SPIN1: variants seen among roughly 807,000 people sequenced by gnomAD.
SPIN1 encodes spindlin 1.
In SPIN1, 3 loss-of-function variants were observed where a neutral mutation model predicts 26.0. The observed-to-expected ratio is 0.12, with a 90% confidence interval of 0.05 to 0.30. The LOEUF is 0.30. Among genes scored for constraint, SPIN1 ranks in the 10% least tolerant of loss-of-function variants. The pLI is 1.00. For missense variants in SPIN1, 126 were observed against 333.4 expected, an observed-to-expected ratio of 0.38 and a Z score of 4.84; for synonymous variants, 101 against 116.5, an observed-to-expected ratio of 0.87 and a Z score of 0.86.
chr9:88,447,422 C>A (rs1828273334), intron 2 of SPIN1, among the ~76,000 whole-genome samples: 1 of 151,980 alleles, frequency 6.6e-6, no homozygotes, highest in Admixed American at 6.6e-5. Flanking sequence ...ACATTTGAAA[C>A]CTTGTGTTGT....
intron 1 of SPIN1, among the ~76,000 whole-genome samples, chr9:88,421,168 T>C (rs959976980): frequency 2.6e-5 from 4 of 152,248 alleles, no homozygotes; most frequent in Admixed American, 1.3e-4. Context: ...CATTTCAACA[T>C]GTTTCCAAAG....
chr9:88,446,699 C>T (rs980380323), intron 2 of SPIN1, among the ~76,000 whole-genome samples: 12 of 152,146 alleles, frequency 7.9e-5, no homozygotes, highest in Admixed American at 2.0e-4. Flanking sequence ...TGAGCCACTG[C>T]GCCAGCCCGG....
rs1156497850 is a variant in SPIN1, at chr9:88,462,695, G to C, written c.301G>C (p.Glu101Gln). The change falls in exon 4 of 6, where the codon GAA (glutamate) becomes CAA (glutamine). Residue 101 changes from glutamate (E) to glutamine (Q), a missense_variant. Transcript: ENST00000375859. Reference sequence around the variant, plus strand: ...TGGATTTGACTGTGTTTATGGACTAGAACTTAATAAAGATGAAAGAGTTTC... The same window carrying C: ...TGGATTTGACTGTGTTTATGGACTACAACTTAATAAAGATGAAAGAGTTTC... ...YDGFDCVYGL[E>Q]LNKDERVSAL... The C allele has an allele frequency of 6.2e-7, 1 of 1,613,980 alleles. No individual in the cohort carries two copies. The highest frequency in any genetic ancestry group is 8.5e-7 in the Non-Finnish European group (1 of 1,180,004).
At position 88,477,193 on chromosome 9, in the gene SPIN1, T is replaced by C. The variant is rs889625557; in HGVS notation, c.*1916T>C. 1.3e-5 allele frequency: 2 copies of C among 152,256 alleles called. No individual in the cohort carries two copies. The highest frequency in any genetic ancestry group is 2.9e-5 in the Non-Finnish European group (2 of 68,068). 9.4% of individuals were successfully genotyped at this position (152,256 alleles called of 1,614,324 possible). A position where few individuals can be genotyped will look rare whatever the true frequency, so the allele number is the denominator to read the frequency against. Reference sequence around the variant, plus strand: ...CTGTTGACTCTTAAGAGTCCCTGCATGTAAATCTCAAAGCTGAGCCTGGCT... The same window carrying C: ...CTGTTGACTCTTAAGAGTCCCTGCACGTAAATCTCAAAGCTGAGCCTGGCT... On this transcript the variant is annotated 3_prime_UTR_variant, in exon 6 of 6. Transcript: ENST00000375859.
chr9:88,465,252 C>CT (rs1226280159), intron 4 of SPIN1, among the ~76,000 whole-genome samples: 1 of 152,142 alleles, frequency 6.6e-6, no homozygotes, highest in East Asian at 1.9e-4. Flanking sequence ...GCAGATATTT[C>CT]TTTGAGATCC....
chr9:88,422,673 T>G (rs1269304640), intron 1 of SPIN1, among the ~76,000 whole-genome samples: 1 of 152,156 alleles, frequency 6.6e-6, no homozygotes, highest in Non-Finnish European at 1.5e-5. Flanking sequence ...TTTATTTTAT[T>G]TTTTAGATTA....
At chr9:88,435,612 G>C (rs73652560) in intron 2 of SPIN1, among the ~76,000 whole-genome samples, 4,013 of 152,278 alleles carry the variant, frequency 0.026, 178 homozygotes, top group African/African-American at 0.092. Flanking sequence ...ATCTTGGCTT[G>C]TAAGGGCCTA....
chr9:88,462,808 C>CT (rs1026383859), intron 4 of SPIN1, 59 bp downstream of exon 4: 10 of 1,495,318 alleles, frequency 6.7e-6, no homozygotes, highest in African/African-American at 1.4e-5. Context: ...GAACTGGATG[C>CT]TTTTTTTATT....
rs147921992 is a variant in SPIN1, at chr9:88,392,540, A to G, written c.-159+4002A>G. On this transcript the variant is annotated intron_variant, in intron 1 of 5. Transcript: ENST00000375859. ...GTTAAAGAGGCCATCGGGGATTTCA[A>G]TCCCAGCCAAAAGTTAGCCCCTTGT... Among the ~76,000 whole-genome samples, 27 of 152,148 alleles carry G rather than the reference A, an allele frequency of 1.8e-4. No homozygotes were observed. The East Asian group carries it at 2.1e-3, about 12-fold the overall frequency.
At chr9:88,392,715 A>T (rs1191698662) in intron 1 of SPIN1, among the ~76,000 whole-genome samples, 1 of 151,916 alleles carries the variant, frequency 6.6e-6, no homozygotes, top group Non-Finnish European at 1.5e-5. Context: ...TATGTATAGC[A>T]GGGGACGAGA....
rs1280510570 is a variant in SPIN1 at position 88,426,460 on chromosome 9, T to A, written c.-80T>A. The A allele has an allele frequency of 1.7e-6, 2 of 1,182,116 alleles. No homozygotes were observed. Among genetic ancestry groups the A allele is most frequent in the African/African-American group, 3.0e-5 (2 of 65,612 alleles). 73.2% of individuals were successfully genotyped at this position (1,182,116 alleles called of 1,614,324 possible). ...GGTGGATTAACCAGAACACTAACAT[T>A]CTGTGAAAAGTTTCAAATTGGAGAA... On this transcript the variant is annotated 5_prime_UTR_variant, in exon 2 of 6. Transcript: ENST00000375859.
At chr9:88,458,166 T>C (rs1828507523) in intron 3 of SPIN1, among the ~76,000 whole-genome samples, 2 of 152,144 alleles carry the variant, frequency 1.3e-5, no homozygotes, top group Non-Finnish European at 2.9e-5. Context: ...GAAGCTTTAT[T>C]TAGTGAAAAG....
intron 1 of SPIN1, among the ~76,000 whole-genome samples, 153 bp downstream of exon 1, chr9:88,388,691 C>T (rs1371167845): frequency 5.4e-5 from 8 of 148,404 alleles, no homozygotes; most frequent in African/African-American, 1.9e-4. Flanking sequence ...ATAGCGCCCC[C>T]TGCCGGCTGG....
chr9:88,450,292 GA>G (rs2118139033), intron 3 of SPIN1, among the ~76,000 whole-genome samples: 1 of 152,282 alleles, frequency 6.6e-6, no homozygotes, highest in East Asian at 1.9e-4. Context: ...ATACAGTGGG[GA>G]CAAAGGCAAG....
intron 1 of SPIN1, chr9:88,410,734 A>G: frequency 1.4e-6 from 2 of 1,395,804 alleles, no homozygotes; most frequent in South Asian, 1.2e-5. Flanking sequence ...ACCACCTCCA[A>G]AATTGCTTCC....
At position 88,427,210 on chromosome 9, in the gene SPIN1, TGAAAAA is replaced by T. The variant is rs557592677; in HGVS notation, c.52+623_52+628del. The stretch of plus-strand genomic sequence containing the variant: ...CCATTTCAGACATATATCTGAATGT[TGAAAAA>T]GAACATTTTAGGGTTCTTTGACAAA... On this transcript the variant is annotated intron_variant, in intron 2 of 5. Transcript: ENST00000375859. 1.1e-4 allele frequency among the ~76,000 whole-genome samples: 16 copies of T among 152,300 alleles called. No homozygotes were observed. In the South Asian group the frequency reaches 2.7e-3, roughly 26 times the overall value.
chr9:88,393,581 G>A (rs1313540294), intron 1 of SPIN1, among the ~76,000 whole-genome samples: 1 of 143,254 alleles, frequency 7.0e-6, no homozygotes, highest in Non-Finnish European at 1.5e-5. Flanking sequence ...TCAGCCTCCC[G>A]AATAGCTGGG....
At chr9:88,394,741 A>T (rs1187379394) in intron 1 of SPIN1, among the ~76,000 whole-genome samples, 1 of 148,500 alleles carries the variant, frequency 6.7e-6, no homozygotes, top group South Asian at 2.1e-4. Flanking sequence ...TATATGTTTG[A>T]TAATTAATTT....
intron 2 of SPIN1, among the ~76,000 whole-genome samples, chr9:88,439,769 TCTG>T (rs1828080575): frequency 6.6e-6 from 1 of 152,232 alleles, no homozygotes; most frequent in African/African-American, 2.4e-5. Flanking sequence ...TCCTCCAAAC[TCTG>T]CTTTTTCTAA....
Sources: allele counts gnomAD v4.1 joint callset (sites outside exome capture counted in the v4.1 genomes callset), GRCh38; gene constraint gnomAD v4.1.1; transcripts MANE v1.5; gene names NCBI Gene and HGNC (gene_info 2026-07-23, HGNC 2026-07-21).